SCUBE2: variants seen among roughly 807,000 people sequenced by gnomAD.
SCUBE2 encodes signal peptide, CUB domain and EGF like domain containing 2.
Under a neutral mutation model 125.9 loss-of-function variants are expected in SCUBE2, and 114 were observed. The ratio of observed to expected loss-of-function variants is 0.91; its 90% confidence interval spans 0.78 to 1.06. SCUBE2 has a LOEUF of 1.06. Among genes scored for constraint, SCUBE2 ranks in the 50% least tolerant of loss-of-function variants. The pLI is 0.00. For missense variants in SCUBE2, 1,255 were observed against 1,301.8 expected, an observed-to-expected ratio of 0.96 and a Z score of 0.55; for synonymous variants, 459 against 492.9, an observed-to-expected ratio of 0.93 and a Z score of 0.91.
At chr11:9,071,825 A>T (rs1306497617) in intron 4 of SCUBE2, among the ~76,000 whole-genome samples, 3 of 152,158 alleles carry the variant, frequency 2.0e-5, no homozygotes, top group African/African-American at 7.2e-5. Flanking sequence ...TGCCCTGAAA[A>T]GGCATCAGTA....
intron 2 of SCUBE2, among the ~76,000 whole-genome samples, chr11:9,086,496 T>C (rs1862073922): frequency 1.3e-5 from 2 of 152,222 alleles, no homozygotes; most frequent in South Asian, 4.1e-4. Flanking sequence ...TCATTTCCTC[T>C]CCTTTTCCTT....
intron 18 of SCUBE2, chr11:9,030,406 C>A: frequency 2.5e-6 from 1 of 401,276 alleles, no homozygotes; most frequent in Non-Finnish European, 4.5e-6. Context: ...TGGGAAAAGG[C>A]AGCTGGAGTG....
intron 16 of SCUBE2, among the ~76,000 whole-genome samples, chr11:9,040,989 C>T (rs1257230529): frequency 3.9e-5 from 6 of 152,156 alleles, no homozygotes; most frequent in East Asian, 1.9e-4. Flanking sequence ...GAAACAGTTA[C>T]GATTTAATCT....
intron 2 of SCUBE2, among the ~76,000 whole-genome samples, chr11:9,089,039 G>A (rs545093241): frequency 6.6e-6 from 1 of 152,318 alleles, no homozygotes; most frequent in South Asian, 2.1e-4. Flanking sequence ...ACAGCCTCGA[G>A]TGTCCAGTCT....
intron 21 of SCUBE2, among the ~76,000 whole-genome samples, chr11:9,024,628 C>G (rs140731952): frequency 2.0e-5 from 3 of 152,302 alleles, no homozygotes; most frequent in African/African-American, 7.2e-5. Context: ...CCCCACACAC[C>G]CAACCCACTG....
At chr11:9,041,439 G>A (rs1857232780) in intron 16 of SCUBE2, among the ~76,000 whole-genome samples, 1 of 152,186 alleles carries the variant, frequency 6.6e-6, no homozygotes, top group Non-Finnish European at 1.5e-5. Flanking sequence ...TAATCAGAAA[G>A]TAGGGGAGGA....
At chr11:9,074,347 A>G (rs906531960) in intron 4 of SCUBE2, 134 bp downstream of exon 4, 5 of 1,086,196 alleles carry the variant, frequency 4.6e-6, no homozygotes, top group East Asian at 2.6e-5. Flanking sequence ...CCGGCAGTGG[A>G]GTCTGGACTC....
intron 11 of SCUBE2, 103 bp from the exon 12 acceptor site, chr11:9,053,318 G>C (rs180677966): frequency 1.0e-6 from 1 of 956,084 alleles, no homozygotes; most frequent in East Asian, 2.5e-5. Context: ...AAAGAAGGTA[G>C]AGCTCATGCC....
chr11:9,076,269 G>A (rs1240511993), intron 3 of SCUBE2, among the ~76,000 whole-genome samples: 3 of 152,042 alleles, frequency 2.0e-5, no homozygotes, highest in African/African-American at 7.2e-5. Flanking sequence ...TCCAGGGAAG[G>A]AGCCAGCAGA....
In SCUBE2 at chr11:9,053,128, C is replaced by A. The variant is rs1858597880; in HGVS notation, c.1418G>T (p.Arg473Ile). Residue 473 changes from arginine to isoleucine, a missense_variant, in exon 12 of 23, where the codon AGA (arginine) becomes ATA (isoleucine). Arg to Ile is a moderately conservative substitution (Grantham distance 97, BLOSUM62 -3). Transcript: ENST00000649792. Reference sequence around the variant, plus strand: ...AGAGAGGTGAATGCCAGAGTGACATCTGAGGAAGCACCCGTCTCCTCCACC... The same window carrying A: ...AGAGAGGTGAATGCCAGAGTGACATATGAGGAAGCACCCGTCTCCTCCACC... ...KSGGGDGCFL[R>I]CHSGIHLSSG... The A allele has an allele frequency of 6.2e-7, 1 of 1,614,088 alleles. No individual in the cohort carries two copies. The highest frequency in any genetic ancestry group is 1.1e-5 in the South Asian group (1 of 91,070).
chr11:9,023,856 T>C (rs970013948), intron 21 of SCUBE2, among the ~76,000 whole-genome samples: 2 of 152,220 alleles, frequency 1.3e-5, no homozygotes, highest in African/African-American at 4.8e-5. Context: ...TCAGCAATGC[T>C]CAATGTGTGT....
intron 17 of SCUBE2, among the ~76,000 whole-genome samples, chr11:9,032,962 G>A (rs1050238561): frequency 7.2e-5 from 11 of 152,276 alleles, no homozygotes; most frequent in South Asian, 6.2e-4. Context: ...AAGGACAGCC[G>A]TGGGAGCAGC....
At chr11:9,059,235 G>C (rs1317046869) in intron 9 of SCUBE2, 68 bp downstream of exon 9, 2 of 1,559,770 alleles carry the variant, frequency 1.3e-6, no homozygotes, top group Non-Finnish European at 1.7e-6. Context: ...TCTGCCAGGA[G>C]GGTGCTACGT....
At position 9,019,972 on chromosome 11, in the gene SCUBE2, A is replaced by C. The variant is rs1402962223; in HGVS notation, c.*1073T>G. 1.3e-5 allele frequency among the ~76,000 whole-genome samples: 2 copies of C among 152,178 alleles called. No individual in the cohort carries two copies. The highest frequency in any genetic ancestry group is 2.9e-5 in the Non-Finnish European group (2 of 68,026). On this transcript the variant is annotated 3_prime_UTR_variant, in exon 23 of 23. Transcript: ENST00000649792. Reference sequence around the variant, plus strand: ...AAAGTGAGATGATCGTGTGGCATTCAGGGGGTGTTTCTGGCAGTGCTGTTA... The same window carrying C: ...AAAGTGAGATGATCGTGTGGCATTCCGGGGGTGTTTCTGGCAGTGCTGTTA...
At chr11:9,029,221 T>C (rs1256478446) in intron 19 of SCUBE2, among the ~76,000 whole-genome samples, 1 of 152,214 alleles carries the variant, frequency 6.6e-6, no homozygotes, top group African/African-American at 2.4e-5. Context: ...CCCCTTCCTA[T>C]AAAACACAAA....
chr11:9,039,859 T>G (rs74975409), intron 16 of SCUBE2, among the ~76,000 whole-genome samples: 2,310 of 152,310 alleles, frequency 0.015, 63 homozygotes, highest in African/African-American at 0.053. Context: ...ACAGCTTAGC[T>G]ATGCCTGGGT....
chr11:9,077,704 T>G (rs1366365505), intron 3 of SCUBE2, among the ~76,000 whole-genome samples: 1 of 152,226 alleles, frequency 6.6e-6, no homozygotes, highest in East Asian at 1.9e-4. Flanking sequence ...TGTGCCTTCC[T>G]TTTAAAGAGT....
intron 16 of SCUBE2, among the ~76,000 whole-genome samples, chr11:9,038,467 C>T (rs577309383): frequency 2.0e-4 from 30 of 152,136 alleles, no homozygotes; most frequent in South Asian, 1.0e-3. Flanking sequence ...AGTGAGACCT[C>T]GTCTTTCCAA....
Position 9,030,926 on chromosome 11 carries a change from C to A in SCUBE2, c.2174-1G>T. ...GAATATTCACCAGGTTGACACAGAC[C>A]TGGAAGGACCAATAGCCTTACGTGA... is the stretch of plus-strand genomic sequence containing the variant. On this transcript the variant is annotated splice_acceptor_variant, in intron 17 of 22. Coordinates refer to ENST00000649792, the MANE Select transcript of SCUBE2 (RefSeq NM_001367977.2). LOFTEE classifies it high-confidence loss of function. 6.2e-7 allele frequency: 1 copy of A among 1,612,792 alleles called. No individual in the cohort carries two copies. The highest frequency in any genetic ancestry group is 8.5e-7 in the Non-Finnish European group (1 of 1,179,298).
Sources: gnomAD v4.1 joint callset for allele counts (sites outside exome capture counted in the v4.1 genomes callset) on GRCh38, gnomAD v4.1.1 for gene constraint, MANE v1.5 for transcripts, NCBI Gene and HGNC (gene_info 2026-07-23, HGNC 2026-07-21) for gene names.